Variants in CBLN2 observed in about 807,000 individuals in gnomAD.
CBLN2 encodes cerebellin 2 precursor, also known as cerebellin-2.
CBLN2 carries 7 observed loss-of-function variants against 15.0 expected under a neutral mutation model. The ratio of observed to expected loss-of-function variants is 0.47; its 90% CI spans 0.27 to 0.88. The LOEUF is 0.88. Ranked by LOEUF, CBLN2 falls within the 40% of genes least tolerant of loss-of-function variation. CBLN2 has a pLI of 0.14. For missense variants in CBLN2, 242 were observed against 304.5 expected, an observed-to-expected ratio of 0.79 and a Z score of 1.53; for synonymous variants, 149 against 135.2, an observed-to-expected ratio of 1.10 and a Z score of -0.71.
intron 1 of CBLN2, among the ~76,000 whole-genome samples, chr18:72,619,987 T>C (rs2069689154): frequency 6.6e-6 from 1 of 152,168 alleles, no homozygotes; most frequent in Non-Finnish European, 1.5e-5. Flanking sequence ...TCACCACCCC[T>C]TGTTGGGGGA....
At chr18:72,608,848 A>C (rs1389981147) in intron 1 of CBLN2, among the ~76,000 whole-genome samples, 1 of 152,210 alleles carries the variant, frequency 6.6e-6, no homozygotes, top group Admixed American at 6.5e-5. Context: ...CCTCATAGTC[A>C]TGGTGGAAGG....
chr18:72,637,395 C>T (rs963333157), intron 1 of CBLN2, among the ~76,000 whole-genome samples: 15 of 152,126 alleles, frequency 9.9e-5, no homozygotes, highest in Non-Finnish European at 4.4e-5. Flanking sequence ...AACTTGGTGA[C>T]AGCAAATGCA....
At chr18:72,603,573 C>A (rs768953944) in intron 1 of CBLN2, among the ~76,000 whole-genome samples, 1 of 152,178 alleles carries the variant, frequency 6.6e-6, no homozygotes, top group Non-Finnish European at 1.5e-5. Flanking sequence ...ATAATGGATT[C>A]TTGGTAGTAA....
intron 1 of CBLN2, among the ~76,000 whole-genome samples, chr18:72,613,637 A>G (rs2069638562): frequency 6.6e-6 from 1 of 152,162 alleles, no homozygotes; most frequent in Non-Finnish European, 1.5e-5. Context: ...GAGTGAGGGA[A>G]TGTCAAAGAA....
At chr18:72,563,633 A>C (rs1386949690) in intron 1 of CBLN2, among the ~76,000 whole-genome samples, 3 of 152,208 alleles carry the variant, frequency 2.0e-5, no homozygotes, top group Admixed American at 6.5e-5. Context: ...TGGAAACAAG[A>C]GAGTTCCAAG....
At chr18:72,602,771 G>A (rs2069557321) in intron 1 of CBLN2, among the ~76,000 whole-genome samples, 1 of 152,104 alleles carries the variant, frequency 6.6e-6, no homozygotes, top group Admixed American at 6.5e-5. Flanking sequence ...AGCTCCTGTT[G>A]GAGTTTCCAG....
At chr18:72,572,524 T>C (rs2069338824) in intron 1 of CBLN2, among the ~76,000 whole-genome samples, 1 of 152,188 alleles carries the variant, frequency 6.6e-6, no homozygotes, top group African/African-American at 2.4e-5. Context: ...TGTTTCTGAA[T>C]GATTGTCAAA....
Position 72,618,657 on chromosome 18 carries a change from C to T in CBLN2, c.15+19668G>A, listed in dbSNP as rs9952215. The T allele has an allele frequency of 2.9e-3, 2,478 of 857,218 alleles. 45 individuals carry two copies. In the African/African-American group the frequency reaches 0.037, roughly 13 times the overall value. 53.1% of individuals were successfully genotyped at this position (857,218 alleles called of 1,614,324 possible). Reference sequence around the variant, plus strand: ...ATTATTTTGAACAGTCTGGAAAAATCGAAGTGATTGAACTCATGACCGACT... The same window carrying T: ...ATTATTTTGAACAGTCTGGAAAAATTGAAGTGATTGAACTCATGACCGACT... On this transcript the variant is annotated intron_variant, in intron 1 of 2. Transcript: ENST00000581073.
At chr18:72,565,749 C>T (rs763072427) in intron 1 of CBLN2, among the ~76,000 whole-genome samples, 2 of 152,094 alleles carry the variant, frequency 1.3e-5, no homozygotes, top group Non-Finnish European at 2.9e-5. Context: ...TGACCTTGGT[C>T]TGAGCAAAGA....
intron 1 of CBLN2, among the ~76,000 whole-genome samples, chr18:72,615,621 C>T (rs1302583170): frequency 6.6e-6 from 1 of 152,064 alleles, no homozygotes. Context: ...ATAGAAAATG[C>T]TTCTTATTGA....
At chr18:72,544,855 A>G (rs1459735967), upstream of CBLN2, among the ~76,000 whole-genome samples, 1 of 152,068 alleles carries the variant, frequency 6.6e-6, no homozygotes, top group African/African-American at 2.4e-5. Context: ...CGTATAGTTT[A>G]TGCTGGTCTA....
intron 1 of CBLN2, among the ~76,000 whole-genome samples, chr18:72,597,918 T>C (rs1353307863): frequency 6.6e-6 from 1 of 152,186 alleles, no homozygotes; most frequent in African/African-American, 2.4e-5. Flanking sequence ...CCGCCAGGCC[T>C]GAGTCTCTTC....
At chr18:72,617,993 G>T (rs2069674212) in intron 1 of CBLN2, among the ~76,000 whole-genome samples, 2 of 152,286 alleles carry the variant, frequency 1.3e-5, no homozygotes, top group African/African-American at 2.4e-5. Context: ...AAAGTTATCA[G>T]AAAGGGAATT....
chr18:72,618,406 G>C (rs1310644424), intron 1 of CBLN2: 2 of 589,226 alleles, frequency 3.4e-6, no homozygotes, highest in Non-Finnish European at 6.3e-6. Context: ...GCGGTCTTGA[G>C]AGATCCAAAC....
chr18:72,603,292 A>G (rs1439883237), intron 1 of CBLN2, among the ~76,000 whole-genome samples: 3 of 152,268 alleles, frequency 2.0e-5, no homozygotes, highest in Non-Finnish European at 4.4e-5. Flanking sequence ...TGGGACTATT[A>G]GCACTTGAAA....
At chr18:72,622,637 G>T (rs893497638) in intron 1 of CBLN2, among the ~76,000 whole-genome samples, 4 of 152,152 alleles carry the variant, frequency 2.6e-5, no homozygotes, top group Non-Finnish European at 4.4e-5. Context: ...AAGAATGCCT[G>T]TGTGGTAAAT....
chr18:72,574,385 T>C (rs936858198), intron 1 of CBLN2, among the ~76,000 whole-genome samples: 9 of 152,206 alleles, frequency 5.9e-5, no homozygotes, highest in Non-Finnish European at 1.0e-4. Flanking sequence ...TTCAGGAGTT[T>C]TATGGTTTAG....
intron 1 of CBLN2, among the ~76,000 whole-genome samples, chr18:72,560,506 C>A (rs2069253177): frequency 6.6e-6 from 1 of 152,128 alleles, no homozygotes; most frequent in African/African-American, 2.4e-5. Context: ...CAGGGGTTTG[C>A]AAACTATGAC....
At chr18:72,542,958 C>A (rs933687767) in intron 2 of CBLN2, 3 of 152,582 alleles carry the variant, frequency 2.0e-5, no homozygotes, top group Non-Finnish European at 2.8e-5. Context: ...CACACACACA[C>A]GGGCAGTAAA....
Sources: allele counts gnomAD v4.1 joint callset (sites outside exome capture counted in the v4.1 genomes callset), GRCh38; gene constraint gnomAD v4.1.1; transcripts MANE v1.5; gene names NCBI Gene and HGNC (gene_info 2026-07-23, HGNC 2026-07-21).